The following ETV6 variants were observed in gnomAD, a reference collection of about 807,000 sequenced individuals.
The protein encoded by ETV6 is ETS variant transcription factor 6.
ETV6 carries 16 observed loss-of-function variants against 51.1 expected under a neutral mutation model. That is an observed-to-expected ratio of 0.31 (90% CI 0.21 to 0.48). The LOEUF (loss-of-function observed/expected upper bound fraction) is 0.48, where lower values mean the gene tolerates loss of function less well. Among genes scored for constraint, ETV6 ranks in the 20% least tolerant of loss-of-function variants. The pLI, the probability that ETV6 is intolerant of heterozygous loss-of-function variation, is 0.99. For synonymous variants in ETV6, 240 were observed against 224.1 expected (o/e 1.07, Z -0.64); for missense variants, 458 against 594.8 (o/e 0.77, Z 2.39).
intron 2 of ETV6, among the ~76,000 whole-genome samples, chr12:11,789,096 G>A (rs957132783): frequency 8.5e-5 from 13 of 152,066 alleles, no homozygotes; most frequent in African/African-American, 2.9e-4. Flanking sequence ...GCAGTTGTGT[G>A]ATCTCTGCTC....
At chr12:11,767,724 G>A (rs557567003) in intron 2 of ETV6, among the ~76,000 whole-genome samples, 120 of 152,324 alleles carry the variant, frequency 7.9e-4, no homozygotes, top group African/African-American at 2.9e-3. Flanking sequence ...TTTGCCTTTA[G>A]CAGCTGTTTA....
chr12:11,727,788 G>T (rs560451016), intron 1 of ETV6, among the ~76,000 whole-genome samples: 30 of 152,236 alleles, frequency 2.0e-4, no homozygotes, highest in Admixed American at 5.9e-4. Context: ...CGCGGAGAAA[G>T]TAGCTCCTCT....
At chr12:11,706,554 C>T (rs1865076227) in intron 1 of ETV6, among the ~76,000 whole-genome samples, 2 of 152,204 alleles carry the variant, frequency 1.3e-5, no homozygotes, top group South Asian at 4.1e-4. Flanking sequence ...TGAGGGGCAG[C>T]CCTCCTTACC....
intron 1 of ETV6, among the ~76,000 whole-genome samples, chr12:11,658,490 C>T (rs1309281938): frequency 6.6e-6 from 1 of 152,234 alleles, no homozygotes; most frequent in Non-Finnish European, 1.5e-5. Context: ...CTGCCTCGGC[C>T]TCTGAAAGTG....
At chr12:11,696,877 C>T (rs1864888240) in intron 1 of ETV6, among the ~76,000 whole-genome samples, 1 of 151,980 alleles carries the variant, frequency 6.6e-6, no homozygotes, top group Admixed American at 6.6e-5. Flanking sequence ...ATTGTATTTC[C>T]TCACTAGAAT....
intron 2 of ETV6, among the ~76,000 whole-genome samples, chr12:11,801,889 C>T (rs1310547583): frequency 2.0e-5 from 3 of 152,214 alleles, no homozygotes; most frequent in African/African-American, 7.2e-5. Context: ...AAGATAACAT[C>T]TTTGTTCCCC....
chr12:11,717,500 A>G (rs1192339147), intron 1 of ETV6, among the ~76,000 whole-genome samples: 1 of 152,198 alleles, frequency 6.6e-6, no homozygotes, highest in Non-Finnish European at 1.5e-5. Context: ...TTTTCCCTAT[A>G]GTGTAATACA....
chr12:11,760,026 C>T (rs570292340), intron 2 of ETV6, among the ~76,000 whole-genome samples: 1 of 152,276 alleles, frequency 6.6e-6, no homozygotes, highest in Admixed American at 6.5e-5. Context: ...TTTGCTGTTG[C>T]CATGGGTGGA....
chr12:11,742,933 A>G (rs1197884714), intron 1 of ETV6, among the ~76,000 whole-genome samples: 2 of 151,500 alleles, frequency 1.3e-5, no homozygotes, highest in Non-Finnish European at 2.9e-5. Context: ...CAGCCTCCCA[A>G]GTAGCTGGAA....
rs1207548609 is a variant in ETV6, at chr12:11,892,809, C to G, written c.*1763C>G. ...GTCACACAGGCAAGAGGAATTTTCC[C>G]TCGGCCTTACTGACAAGGACACCAA... On this transcript the variant is annotated 3_prime_UTR_variant, in exon 8 of 8. Coordinates refer to ENST00000396373, the MANE Select transcript of ETV6 (RefSeq NM_001987.5). 7.3e-5 allele frequency: 17 copies of G among 232,906 alleles called. No individual in the cohort carries two copies. The highest frequency in any genetic ancestry group is 3.1e-4 in the African/African-American group (14 of 45,322). The allele number at this position is 232,906 out of a possible 1,614,324, so 14.4% of individuals were successfully genotyped here.
intron 3 of ETV6, among the ~76,000 whole-genome samples, chr12:11,850,881 CG>C (rs986321743): frequency 1.3e-5 from 2 of 152,234 alleles, no homozygotes; most frequent in African/African-American, 4.8e-5. Flanking sequence ...GCCACCCCAC[CG>C]GGGGCTTCTC....
At chr12:11,749,063 T>G (rs934043051) in intron 1 of ETV6, among the ~76,000 whole-genome samples, 1 of 152,204 alleles carries the variant, frequency 6.6e-6, no homozygotes, top group African/African-American at 2.4e-5. Context: ...TTCAGCTGGT[T>G]GGCTTGATAG....
At chr12:11,840,334 G>A in intron 3 of ETV6, 1 of 436,796 alleles carries the variant, frequency 2.3e-6, no homozygotes, top group Non-Finnish European at 4.6e-6. Context: ...AAACCCTGTG[G>A]ATATTTAGAA....
At chr12:11,832,937 G>A (rs1263729250) in intron 2 of ETV6, among the ~76,000 whole-genome samples, 1 of 152,234 alleles carries the variant, frequency 6.6e-6, no homozygotes, top group African/African-American at 2.4e-5. Flanking sequence ...TCAGTAACCT[G>A]TGGAGGTGAC....
At chr12:11,875,848 T>A (rs1229404420) in intron 5 of ETV6, among the ~76,000 whole-genome samples, 1 of 152,192 alleles carries the variant, frequency 6.6e-6, no homozygotes, top group Non-Finnish European at 1.5e-5. Context: ...ACCCATTTAT[T>A]TGGTATTGCC....
intron 2 of ETV6, among the ~76,000 whole-genome samples, chr12:11,802,152 G>A (rs1050237929): frequency 6.6e-6 from 1 of 152,146 alleles, no homozygotes; most frequent in African/African-American, 2.4e-5. Flanking sequence ...AAACCTTCAG[G>A]GCTCTGCTGC....
intron 1 of ETV6, chr12:11,750,917 G>A (rs1038060618): frequency 1.5e-5 from 7 of 466,024 alleles, no homozygotes; most frequent in East Asian, 1.1e-4. Context: ...CAAGAAAAGT[G>A]CAGTTGAAAG....
At chr12:11,860,184 G>A (rs889408910) in intron 4 of ETV6, among the ~76,000 whole-genome samples, 12 of 152,294 alleles carry the variant, frequency 7.9e-5, no homozygotes, top group East Asian at 3.9e-4. Flanking sequence ...ACAGGTAGAC[G>A]CATTCTTTAG....
chr12:11,818,689 C>G (rs12827379), intron 2 of ETV6, among the ~76,000 whole-genome samples: 32,904 of 152,082 alleles, frequency 0.22, 3,787 homozygotes, highest in Middle Eastern at 0.27. Context: ...TTTCCAAGGA[C>G]AGTAGAAATG....
Sources: allele counts gnomAD v4.1 joint callset (sites outside exome capture counted in the v4.1 genomes callset), GRCh38; gene constraint gnomAD v4.1.1; transcripts MANE v1.5; gene names NCBI Gene and HGNC (gene_info 2026-07-23, HGNC 2026-07-21).